KATNAL2: variants seen among roughly 807,000 people sequenced by gnomAD.
KATNAL2 encodes the protein katanin catalytic subunit A1 like 2, also known as katanin p60 ATPase-containing subunit A-like 2.
A neutral mutation model predicts 76.3 loss-of-function variants in KATNAL2; 52 were observed. The ratio of observed to expected loss-of-function variants is 0.68; its 90% CI spans 0.55 to 0.86. The LOEUF is 0.86. Ranked by LOEUF, KATNAL2 falls within the 40% of genes least tolerant of loss-of-function variation. KATNAL2 has a pLI of 0.00. For synonymous variants in KATNAL2, 243 were observed against 244.2 expected, an observed-to-expected ratio of 1.00 and a Z score of 0.05; for missense variants, 660 against 668.9, an observed-to-expected ratio of 0.99 and a Z score of 0.15.
chr18:47,059,257 C>T (rs548134667), intron 7 of KATNAL2, among the ~76,000 whole-genome samples: 4 of 152,140 alleles, frequency 2.6e-5, no homozygotes, highest in African/African-American at 7.2e-5. Flanking sequence ...GGAGAAAAGA[C>T]GAGCCAGCGA....
intron 1 of KATNAL2, among the ~76,000 whole-genome samples, chr18:46,920,357 T>G (rs2058468009): frequency 1.3e-5 from 2 of 152,182 alleles, no homozygotes; most frequent in African/African-American, 2.4e-5. Context: ...TGATTAGAGA[T>G]AAGACTTTCT....
intron 1 of KATNAL2, among the ~76,000 whole-genome samples, chr18:46,935,641 G>A (rs1169683800): frequency 1.4e-5 from 2 of 146,318 alleles, no homozygotes; most frequent in African/African-American, 5.6e-5. Context: ...AAAGAGCCCG[G>A]GCATGGTGGC....
In KATNAL2 at chr18:47,035,380, T is replaced by C. The variant is rs538795164; in HGVS notation, c.52-11077T>C. ...GCTGCCCGGTCGCCAGGCAGCGACC[T>C]CGGGATGTGGAGTCACAGCCTGGAG... On this transcript the variant is annotated intron_variant, in intron 3 of 17. Transcript: ENST00000683218. The C allele has an allele frequency of 4.1e-4, 635 of 1,547,246 alleles. No individual in the cohort carries two copies. In the South Asian group the frequency reaches 7.3e-3, roughly 18 times the overall value.
chr18:47,096,929 G>T (rs999976304), intron 15 of KATNAL2, among the ~76,000 whole-genome samples: 1 of 151,974 alleles, frequency 6.6e-6, no homozygotes, highest in South Asian at 2.1e-4. Context: ...CTTGAGCTCA[G>T]TAGTTCAAGA....
At position 47,033,773 on chromosome 18, in the gene KATNAL2, G is replaced by A. The variant is rs549369877; in HGVS notation, c.52-12684G>A. On this transcript the variant is annotated intron_variant, in intron 3 of 17. Coordinates refer to ENST00000683218, the MANE Select transcript of KATNAL2 (RefSeq NM_001387690.1). Reference sequence around the variant, plus strand: ...CGTCCAGGGAAAGCAGCTTCCTCCCGGAACTTTGGTGAAGAGAGTGCTTCT... The same window carrying A: ...CGTCCAGGGAAAGCAGCTTCCTCCCAGAACTTTGGTGAAGAGAGTGCTTCT... The A allele has an allele frequency of 8.7e-6, 14 of 1,614,190 alleles. No individual in the cohort carries two copies. The South Asian group carries it at 1.3e-4, about 15-fold the overall frequency.
Position 47,100,326 on chromosome 18 carries a change from A to T in KATNAL2, c.1447A>T (p.Ile483Phe). The T allele has an allele frequency of 5.0e-6, 8 of 1,614,084 alleles. No individual in the cohort carries two copies. Among genetic ancestry groups the T allele is most frequent in the Non-Finnish European group, 6.8e-6 (8 of 1,179,936 alleles). The change falls in exon 17 of 18, where the codon ATC (isoleucine) becomes TTC (phenylalanine). Residue 483 changes from isoleucine to phenylalanine, a missense_variant. Coordinates refer to ENST00000683218, the MANE Select transcript of KATNAL2 (RefSeq NM_001387690.1). ...AGCAGCCATGCGGCCCGTGAGGAAG[A>T]TCTTTGATGCACTTGAAAATCACCA... ...REAAMRPVRK[I>F]FDALENHQSE...
chr18:47,098,370 T>C (rs2063340618), intron 15 of KATNAL2: 1 of 223,974 alleles, frequency 4.5e-6, no homozygotes, highest in African/African-American at 2.3e-5. Flanking sequence ...ACTTCTTATA[T>C]GGTGGCAGCA....
intron 15 of KATNAL2, among the ~76,000 whole-genome samples, chr18:47,083,986 A>G (rs1411800004): frequency 6.6e-6 from 1 of 152,204 alleles, no homozygotes; most frequent in African/African-American, 2.4e-5. Flanking sequence ...AAAATCAGAC[A>G]CCTGGTATAC....
intron 3 of KATNAL2, among the ~76,000 whole-genome samples, chr18:46,952,642 A>G (rs1025280726): frequency 1.3e-5 from 2 of 151,128 alleles, no homozygotes; most frequent in African/African-American, 4.9e-5. Context: ...CTCATGATCC[A>G]CCTGCCTCGG....
At chr18:47,078,155 G>A (rs1247880965) in intron 15 of KATNAL2, among the ~76,000 whole-genome samples, 1 of 152,178 alleles carries the variant, frequency 6.6e-6, no homozygotes, top group Non-Finnish European at 1.5e-5. Flanking sequence ...CCCATTCTCA[G>A]AGGGGACCAA....
intron 3 of KATNAL2, among the ~76,000 whole-genome samples, chr18:46,956,263 A>G (rs1295547254): frequency 6.6e-6 from 1 of 152,214 alleles, no homozygotes; most frequent in African/African-American, 2.4e-5. Flanking sequence ...CTCATACGAT[A>G]AACGCAATTT....
intron 15 of KATNAL2, among the ~76,000 whole-genome samples, chr18:47,097,545 TCAGA>T (rs1052926581): frequency 6.6e-5 from 10 of 152,206 alleles, no homozygotes; most frequent in African/African-American, 2.4e-4. Context: ...AAGGAAATCA[TCAGA>T]CAAATTCAGA....
intron 3 of KATNAL2, among the ~76,000 whole-genome samples, chr18:46,956,647 A>G (rs2059756998): frequency 6.6e-6 from 1 of 152,230 alleles, no homozygotes. Context: ...CTTAAGAGCA[A>G]GAACTCTGGC....
At chr18:46,918,709 A>G (rs927901597) in intron 1 of KATNAL2, among the ~76,000 whole-genome samples, 53 of 152,230 alleles carry the variant, frequency 3.5e-4, no homozygotes, top group East Asian at 1.2e-3. Flanking sequence ...GGCGTGAGCC[A>G]CTGCACCCGG....
intron 3 of KATNAL2, chr18:47,034,050 A>C (rs200410999): frequency 1.2e-6 from 2 of 1,614,190 alleles, no homozygotes; most frequent in South Asian, 1.1e-5. Context: ...CTCCAAGTGC[A>C]GTGGTGGCAG....
intron 3 of KATNAL2, chr18:47,034,492 A>G: frequency 3.1e-6 from 5 of 1,614,074 alleles, no homozygotes; most frequent in Non-Finnish European, 4.2e-6. Flanking sequence ...TTCCTCTCTT[A>G]AGCAGGCCCC....
At chr18:47,052,098 T>C (rs1341062363) in intron 4 of KATNAL2, among the ~76,000 whole-genome samples, 1 of 152,180 alleles carries the variant, frequency 6.6e-6, no homozygotes, top group Non-Finnish European at 1.5e-5. Context: ...AAATTGTTGG[T>C]TTTAAAAGAA....
In KATNAL2 at chr18:47,102,163, TTTAAACA is replaced by T. The variant is rs1294916456; in HGVS notation, c.*1160_*1166del. 1 of 152,234 alleles carries T rather than the reference TTTAAACA, an allele frequency of 6.6e-6. No homozygotes were observed. The highest frequency in any genetic ancestry group is 1.5e-5 in the Non-Finnish European group (1 of 68,048). The allele number at this position is 152,234 out of a possible 1,614,324, so 9.4% of individuals were successfully genotyped here. On this transcript the variant is annotated 3_prime_UTR_variant, in exon 18 of 18. Coordinates refer to ENST00000683218, the MANE Select transcript of KATNAL2 (RefSeq NM_001387690.1). ...TTTTGAGATTATTCTCAAATGCCTC[TTTAAACA>T]TCATTTCATGGAAAATGTCAAATTG...
Position 47,031,556 on chromosome 18 carries a change from A to G in KATNAL2, c.52-14901A>G, listed in dbSNP as rs573988149. Among the ~76,000 whole-genome samples, 313 of 152,214 alleles carry G rather than the reference A, an allele frequency of 2.1e-3. 3 individuals carry two copies. The highest frequency in any genetic ancestry group is 7.4e-3 in the African/African-American group (309 of 41,512). On this transcript the variant is annotated intron_variant, in intron 3 of 17. Transcript: ENST00000683218. ...TAAGTACCCTTCCACAGTTTGTAGA[A>G]AAATAGGTAAATTTGCTGTGTTTCC...
Sources: gnomAD v4.1 joint callset for allele counts (sites outside exome capture counted in the v4.1 genomes callset) on GRCh38, gnomAD v4.1.1 for gene constraint, MANE v1.5 for transcripts, NCBI Gene and HGNC (gene_info 2026-07-23, HGNC 2026-07-21) for gene names.